NME4: variants seen among roughly 807,000 people sequenced by gnomAD.
The protein encoded by NME4 is NME/NM23 nucleoside diphosphate kinase 4, also known as nucleoside diphosphate kinase D, mitochondrial.
Under a neutral mutation model 16.4 loss-of-function variants are expected in NME4, and 21 were observed. The ratio of observed to expected loss-of-function variants is 1.28; its 90% CI spans 0.91 to 1.84. The LOEUF is 1.84. Ranked by LOEUF, NME4 falls within the 40% of genes most tolerant of loss-of-function variation. The pLI, the probability that NME4 is intolerant of heterozygous loss-of-function variation, is 0.00. For missense variants in NME4, 316 were observed against 261.3 expected (o/e 1.21, Z -1.44); for synonymous variants, 132 against 107.5 (o/e 1.23, Z -1.41).
In NME4 at chr16:400,089, T is replaced by TA. The variant is rs745877622; in HGVS notation, c.441-129dup. The TA allele has an allele frequency of 5.2e-5, 71 of 1,363,468 alleles. 1 individual carries two copies. The Middle Eastern group carries it at 7.1e-4, about 14-fold the overall frequency. The allele number at this position is 1,363,468 out of a possible 1,614,324, so 84.5% of individuals were successfully genotyped here. On this transcript the variant is annotated intron_variant, in intron 4 of 4. Transcript: ENST00000219479. ...GAACCCGGTTTCCCAGCTCCACTGT[T>TA]ACTCCTTCCCTGTCTGCAGTCACAG...
At chr16:399,590 T>C (rs878871260) in intron 3 of NME4, 37 bp from the exon 4 acceptor site, 1 of 1,604,336 alleles carries the variant, frequency 6.2e-7, no homozygotes, top group South Asian at 1.1e-5. Context: ...GCCCTTGGTG[T>C]TCCCCACTTC....
At chr16:398,909 CT>C (rs2054601814) in intron 1 of NME4, 80 bp from the exon 2 acceptor site, 4 of 1,579,816 alleles carry the variant, frequency 2.5e-6, no homozygotes, top group South Asian at 2.3e-5. Context: ...CTGGTGACCC[CT>C]GGGCTCTGGC....
chr16:398,592 C>A, intron 1 of NME4: 1 of 411,466 alleles, frequency 2.4e-6, no homozygotes, highest in Non-Finnish European at 4.3e-6. Context: ...CCTCTGTGGA[C>A]CTCAGGGTGG....
rs763560200 is a variant in NME4 at position 400,310 on chromosome 16, G to A, written c.532G>A (p.Gly178Arg). The A allele has an allele frequency of 2.7e-5, 43 of 1,604,194 alleles. No individual in the cohort carries two copies. In the South Asian group the frequency reaches 4.4e-4, roughly 16 times the overall value. Reference sequence around the variant, plus strand: ...CAGTGAGCTGGTGAGCTGGGCAGACGGGGGCCAGCACAGCAGCATCCACCC... The same window carrying A: ...CAGTGAGCTGGTGAGCTGGGCAGACAGGGGCCAGCACAGCAGCATCCACCC... ...QSSELVSWAD[G>R]GQHSSIHPA The change falls in exon 5 of 5, where the codon GGG becomes AGG. Residue 178 changes from glycine (G) to arginine (R), a missense_variant. Transcript: ENST00000219479.
In NME4 at chr16:399,033, G is replaced by T. The variant is rs1170312352; in HGVS notation, c.135G>T (p.Lys45Asn). The T allele has an allele frequency of 2.5e-6, 4 of 1,609,268 alleles. No individual in the cohort carries two copies. Among genetic ancestry groups the T allele is most frequent in the Middle Eastern group, 1.6e-4 (1 of 6,080 alleles). Residue 45 changes from lysine to asparagine, a missense_variant, in exon 2 of 5, where the codon AAG becomes AAT. Lys to Asn is a moderately conservative substitution (Grantham distance 94). Transcript: ENST00000219479. ...GGGAGCGGACCCTGGTGGCGGTGAAGCCCGATGGCGTGCAACGGCGGCTCG... is the reference window on the plus strand; with the variant it reads ...GGGAGCGGACCCTGGTGGCGGTGAATCCCGATGGCGTGCAACGGCGGCTCG... ...WTRERTLVAVKPDGVQRRLVG... is the reference protein window; with the variant it reads ...WTRERTLVAVNPDGVQRRLVG...
intron 2 of NME4, 120 bp from the exon 3 acceptor site, chr16:399,259 G>A (rs1200261964): frequency 1.1e-5 from 15 of 1,411,542 alleles, no homozygotes; most frequent in East Asian, 2.3e-5. Flanking sequence ...TCTATTCTGC[G>A]GTGGGGGTGC....
chr16:397,432 G>C (rs2054565775), intron 1 of NME4, 119 bp downstream of exon 1: 1 of 280,842 alleles, frequency 3.6e-6, no homozygotes, highest in Non-Finnish European at 5.4e-6. Flanking sequence ...CTCGGGGCGC[G>C]GGCTGCGGGG....
upstream of NME4, chr16:397,111 C>A: frequency 1.8e-5 from 1 of 55,328 alleles, no homozygotes; most frequent in Non-Finnish European, 2.2e-5. Flanking sequence ...TCCGGGGCGG[C>A]GGGGGGCTCC....
rs752900241 is a variant in NME4 at position 400,326 on chromosome 16, G to A, written c.548G>A (p.Ser183Asn). Residue 183 changes from serine to asparagine, a missense_variant, in exon 5 of 5, where the codon AGC becomes AAC. Transcript: ENST00000219479. ...VSWADGGQHS[S>N]IHPA The stretch of plus-strand genomic sequence containing the variant: ...TGGGCAGACGGGGGCCAGCACAGCA[G>A]CATCCACCCAGCCTGAGGCTCAAGC... 1.9e-6 allele frequency: 3 copies of A among 1,603,920 alleles called. No homozygotes were observed. In the East Asian group the frequency reaches 6.7e-5, roughly 36 times the overall value.
rs746983963 is a variant in NME4, at chr16:399,108, G to T, written c.210G>T (p.Gly70=). ...AGAGGCGGGGCTTCACGCTGGTGGG[G>T]ATGAAGATGCTGCAGGTAGTGGGAC... ...RFERRGFTLV[G]MKMLQAPESV... is the part of the protein sequence containing the mutation. The change falls in exon 2 of 5, where the codon GGG becomes GGT. Residue 70 remains glycine, a synonymous_variant. Coordinates refer to ENST00000219479, the MANE Select transcript of NME4 (RefSeq NM_005009.3). 5.6e-6 allele frequency: 9 copies of T among 1,595,230 alleles called. No homozygotes were observed. Among genetic ancestry groups the T allele is most frequent in the Non-Finnish European group, 7.7e-6 (9 of 1,174,702 alleles).
At chr16:399,835 G>A (rs2054621326) in intron 4 of NME4, 96 bp downstream of exon 4, 1 of 1,055,478 alleles carries the variant, frequency 9.5e-7, no homozygotes, top group Non-Finnish European at 1.4e-6. Context: ...GTCTTGCTGT[G>A]CTAGGATGAA....
intron 1 of NME4, chr16:398,662 C>CT: frequency 2.3e-6 from 1 of 442,958 alleles, no homozygotes; most frequent in African/African-American, 2.0e-5. Context: ...GGCTCTGCCT[C>CT]TATGGACCTT....
Position 400,215 on chromosome 16 carries a change from A to G in NME4, c.441-4A>G, listed in dbSNP as rs2054633094. The stretch of plus-strand genomic sequence containing the variant: ...AGCCTCACATTGCTCCTGTCCTGGC[A>G]CAGGAATGTCATCCACGCCAGCGAC... On this transcript the variant is annotated splice_polypyrimidine_tract_variant and splice_region_variant and intron_variant, in intron 4 of 4. Coordinates refer to ENST00000219479, the MANE Select transcript of NME4 (RefSeq NM_005009.3). The G allele has an allele frequency of 6.2e-7, 1 of 1,608,118 alleles. No homozygotes were observed. The highest frequency in any genetic ancestry group is 1.3e-5 in the African/African-American group (1 of 74,764).
chr16:399,519 A>G, intron 3 of NME4, 39 bp downstream of exon 3: 1 of 1,602,544 alleles, frequency 6.2e-7, no homozygotes, highest in Non-Finnish European at 8.5e-7. Context: ...CCTGTGGGTA[A>G]AGGGCGTGTG....
At position 399,527 on chromosome 16, in the gene NME4, G is replaced by T. The variant is rs199686189; in HGVS notation, c.327+47G>T. 8.0e-4 allele frequency: 1,283 copies of T among 1,598,472 alleles called. 19 individuals are homozygous for T. The South Asian group carries it at 0.013, about 16-fold the overall frequency. On this transcript the variant is annotated intron_variant, in intron 3 of 4. Transcript: ENST00000219479. ...GGAAGGGCCTGTGGGTAAAGGGCGT[G>T]TGGGTGTGTCTTTCCCCCCAGCAAA...
chr16:400,231 C>T lies in NME4; in HGVS notation c.453C>T (p.His151=), dbSNP rs371331590. ...FSVHISRNVI[H]ASDSVEGAQR... ...TGTCCTGGCACAGGAATGTCATCCA[C>T]GCCAGCGACTCCGTGGAGGGGGCCC... Residue 151 remains histidine (H), a synonymous_variant, in exon 5 of 5, where the codon CAC becomes CAT. Coordinates refer to ENST00000219479, the MANE Select transcript of NME4 (RefSeq NM_005009.3). The T allele has an allele frequency of 1.9e-5, 31 of 1,605,338 alleles. No homozygotes were observed. The East Asian group carries it at 2.7e-4, about 14-fold the overall frequency.
In NME4 at chr16:400,388, A is replaced by G. The variant is rs998705825; in HGVS notation, c.*46A>G. 2.5e-6 allele frequency: 4 copies of G among 1,569,202 alleles called. No individual in the cohort carries two copies. The highest frequency in any genetic ancestry group is 3.4e-6 in the Non-Finnish European group (4 of 1,169,584). ...CCCCATCCCCCACGCAGGACCAACT[A>G]CCTCCGTCAGCAAGAACCCAAGCCC... On this transcript the variant is annotated 3_prime_UTR_variant, in exon 5 of 5. Transcript: ENST00000219479.
upstream of NME4, chr16:397,097 GGGGTC>G (rs2054557168): frequency 1.2e-5 from 2 of 172,534 alleles, no homozygotes; most frequent in African/African-American, 2.7e-5. Flanking sequence ...CCGGGCCACG[GGGGTC>G]CGGGGCGGCG....
intron 1 of NME4, chr16:397,773 G>C (rs1195206126): frequency 1.3e-6 from 2 of 1,510,532 alleles, no homozygotes; most frequent in African/African-American, 1.4e-5. Context: ...GTTCGCTGAA[G>C]GCCAAGTTAG....
Sources: gnomAD v4.1 joint callset for allele counts on GRCh38, gnomAD v4.1.1 for gene constraint, MANE v1.5 for transcripts, NCBI Gene and HGNC (gene_info 2026-07-23, HGNC 2026-07-21) for gene names.